ROBO2: variants seen among roughly 807,000 people sequenced by gnomAD.
ROBO2 encodes roundabout guidance receptor 2, also known as roundabout homolog 2.
Under a neutral mutation model 160.8 loss-of-function variants are expected in ROBO2, and 53 were observed. The ratio of observed to expected loss-of-function variants is 0.33; its 90% confidence interval spans 0.26 to 0.41. The LOEUF (loss-of-function observed/expected upper bound fraction) is 0.41. Among genes scored for constraint, ROBO2 ranks in the 10% least tolerant of loss-of-function variants. The probability of loss-of-function intolerance (pLI) is 1.00; values close to 1 mark genes in which losing one functional copy is unlikely to be tolerated. For synonymous variants in ROBO2, 664 were observed against 611.7 expected (o/e 1.09, Z -1.26); for missense variants, 1,577 against 1,722.4 (o/e 0.92, Z 1.49).
chr3:76,148,851 G>A (rs1181294679), intron 2 of ROBO2, among the ~76,000 whole-genome samples: 3 of 151,952 alleles, frequency 2.0e-5, no homozygotes, highest in African/African-American at 7.2e-5. Context: ...TTTCTGTAGG[G>A]TGCAGTGCTT....
intron 2 of ROBO2, among the ~76,000 whole-genome samples, chr3:76,422,353 T>A (rs1274263152): frequency 6.6e-6 from 1 of 152,222 alleles, no homozygotes; most frequent in Non-Finnish European, 1.5e-5. Context: ...GATCTGAATC[T>A]GGACTTAGAT....
chr3:77,146,385 A>G (rs2077122945), intron 2 of ROBO2, among the ~76,000 whole-genome samples: 1 of 152,162 alleles, frequency 6.6e-6, no homozygotes, highest in Non-Finnish European at 1.5e-5. Flanking sequence ...GTAACGTGGT[A>G]GTGGGTGATG....
intron 2 of ROBO2, among the ~76,000 whole-genome samples, chr3:76,552,531 A>G (rs183319962): frequency 2.2e-4 from 34 of 152,344 alleles, no homozygotes; most frequent in African/African-American, 7.9e-4. Flanking sequence ...TTCTTTTCAT[A>G]TAATTAATCC....
At chr3:75,912,069 C>G (rs1946621392) in intron 1 of ROBO2, among the ~76,000 whole-genome samples, 1 of 152,196 alleles carries the variant, frequency 6.6e-6, no homozygotes, top group Non-Finnish European at 1.5e-5. Flanking sequence ...CAATGTCAGT[C>G]TTGCACAAAA....
At chr3:76,561,148 G>A (rs1158128594) in intron 2 of ROBO2, among the ~76,000 whole-genome samples, 1 of 151,554 alleles carries the variant, frequency 6.6e-6, no homozygotes, top group Non-Finnish European at 1.5e-5. Context: ...TAGGCATCAT[G>A]TTCCAACCTT....
chr3:76,979,744 TAC>T (rs138996245), intron 2 of ROBO2, among the ~76,000 whole-genome samples: 12,013 of 147,056 alleles, frequency 0.082, 494 homozygotes, highest in Non-Finnish European at 0.098. Context: ...TTACTTTTCT[TAC>T]ACACACACAC....
intron 1 of ROBO2, among the ~76,000 whole-genome samples, chr3:77,056,049 T>G (rs917127952): frequency 2.0e-5 from 3 of 152,104 alleles, no homozygotes; most frequent in Non-Finnish European, 4.4e-5. Context: ...AAGAGAAAAA[T>G]TTCCTTCCGT....
At chr3:76,222,586 T>C (rs1053218961) in intron 2 of ROBO2, among the ~76,000 whole-genome samples, 1 of 152,024 alleles carries the variant, frequency 6.6e-6, no homozygotes, top group African/African-American at 2.4e-5. Context: ...AATTATTACT[T>C]TAGAAAGACA....
intron 2 of ROBO2, among the ~76,000 whole-genome samples, chr3:76,493,377 A>T (rs2079958538): frequency 1.4e-5 from 2 of 145,520 alleles, no homozygotes; most frequent in South Asian, 2.2e-4. Flanking sequence ...TTGTATATAC[A>T]TGTACAAAAA....
chr3:77,065,882 C>G (rs1285898212), intron 1 of ROBO2, among the ~76,000 whole-genome samples: 1 of 152,028 alleles, frequency 6.6e-6, no homozygotes, highest in Non-Finnish European at 1.5e-5. Flanking sequence ...GTCTTTGTCC[C>G]TAGTGTAAAA....
rs879396180 is a variant in ROBO2, at chr3:76,605,389, A to ATT, written c.110-492625_110-492624insTT. ...TATAGCTTCTCCAACTGTATTTTAAAAAAAAAAGGTAATTGGAATCACTCA... is the reference window on the plus strand; with the variant it reads ...TATAGCTTCTCCAACTGTATTTTAAATTAAAAAAAGGTAATTGGAATCACTCA... On this transcript the variant is annotated intron_variant, in intron 2 of 26. Coordinates refer to the ROBO2 transcript ENST00000487694. Among the ~76,000 whole-genome samples the ATT allele has an allele frequency of 3.7e-3, 551 of 150,772 alleles. 2 individuals are homozygous for ATT. The highest frequency in any genetic ancestry group is 0.012 in the African/African-American group (493 of 41,260).
At chr3:76,842,567 A>G (rs1278964493) in intron 2 of ROBO2, among the ~76,000 whole-genome samples, 1 of 152,214 alleles carries the variant, frequency 6.6e-6, no homozygotes, top group Admixed American at 6.5e-5. Context: ...TATGAAGTAT[A>G]AGCTTCAGAC....
chr3:76,674,939 G>GA lies in ROBO2; in HGVS notation c.110-423067dup, dbSNP rs113398449. 1.3e-3 allele frequency among the ~76,000 whole-genome samples: 191 copies of GA among 151,694 alleles called. 1 individual carries two copies. Among genetic ancestry groups the GA allele is most frequent in the African/African-American group, 4.0e-3 (166 of 41,362 alleles). On this transcript the variant is annotated intron_variant, in intron 2 of 26. Coordinates refer to the ROBO2 transcript ENST00000487694. Reference sequence around the variant, plus strand: ...AAGCAGCAAAAAAAAACCCACACATGAAAAAAAACAAACAAAAAGAAACCT... The same window carrying GA: ...AAGCAGCAAAAAAAAACCCACACATGAAAAAAAAACAAACAAAAAGAAACCT...
At chr3:76,207,992 C>G (rs563000631) in intron 2 of ROBO2, among the ~76,000 whole-genome samples, 1 of 152,136 alleles carries the variant, frequency 6.6e-6, no homozygotes, top group Non-Finnish European at 1.5e-5. Context: ...CTTGTGAGAT[C>G]TGGTTGTTTA....
intron 2 of ROBO2, among the ~76,000 whole-genome samples, chr3:76,371,734 C>A (rs1435641607): frequency 6.6e-6 from 1 of 151,862 alleles, no homozygotes. Flanking sequence ...CTTCTGGCTC[C>A]TGGCAATTAT....
At chr3:77,362,121 AT>A in intron 2 of ROBO2, among the ~76,000 whole-genome samples, 1 of 152,274 alleles carries the variant, frequency 6.6e-6, no homozygotes, top group South Asian at 2.1e-4. Context: ...GTCAGGCAAG[AT>A]TTCCCTGAAG....
chr3:75,989,336 T>C (rs2065501423), intron 2 of ROBO2, among the ~76,000 whole-genome samples: 1 of 152,086 alleles, frequency 6.6e-6, no homozygotes, highest in Non-Finnish European at 1.5e-5. Context: ...CAGGCTGGTC[T>C]CGAACTCCTG....
intron 2 of ROBO2, among the ~76,000 whole-genome samples, chr3:76,754,718 T>C (rs2060870492): frequency 6.6e-6 from 1 of 151,878 alleles, no homozygotes; most frequent in Non-Finnish European, 1.5e-5. Flanking sequence ...TCAAGGTTAT[T>C]GCTAATAACA....
chr3:76,392,689 T>C (rs2077214845), intron 2 of ROBO2, among the ~76,000 whole-genome samples: 1 of 152,164 alleles, frequency 6.6e-6, no homozygotes, highest in Admixed American at 6.5e-5. Flanking sequence ...TAAAGAATAA[T>C]AGTCATTTTT....
Sources: allele counts gnomAD v4.1 joint callset (sites outside exome capture counted in the v4.1 genomes callset), GRCh38; gene constraint gnomAD v4.1.1; transcripts MANE v1.5; gene names NCBI Gene and HGNC (gene_info 2026-07-23, HGNC 2026-07-21).